ZSCAN18: variants seen among roughly 807,000 people sequenced by gnomAD.
The protein encoded by ZSCAN18 is zinc finger and SCAN domain-containing protein 18.
In ZSCAN18, 16 loss-of-function variants were observed where a neutral mutation model predicts 31.1. The ratio of observed to expected loss-of-function variants is 0.51; its 90% CI spans 0.35 to 0.78. The LOEUF (loss-of-function observed/expected upper bound fraction) is 0.78. Ranked by LOEUF, ZSCAN18 falls within the 30% of genes least tolerant of loss-of-function variation. ZSCAN18 has a pLI of 0.01. For synonymous variants in ZSCAN18, 375 were observed against 320.7 expected (o/e 1.17, Z -1.81); for missense variants, 731 against 697.4 (o/e 1.05, Z -0.54).
chr19:58,092,942 T>G (rs988644018), intron 1 of ZSCAN18, among the ~76,000 whole-genome samples: 2 of 151,972 alleles, frequency 1.3e-5, no homozygotes, highest in African/African-American at 4.8e-5. Context: ...ACCTGGCTAA[T>G]TTTTAATTTG....
chr19:58,103,075 T>A (rs558471173), upstream of ZSCAN18, among the ~76,000 whole-genome samples: 1 of 151,528 alleles, frequency 6.6e-6, no homozygotes, highest in African/African-American at 2.4e-5. Context: ...TGAGCCAAGA[T>A]AGCACCACTG....
intron 1 of ZSCAN18, among the ~76,000 whole-genome samples, chr19:58,111,035 G>T (rs2074678846): frequency 6.6e-6 from 1 of 152,134 alleles, no homozygotes; most frequent in South Asian, 2.1e-4. Context: ...AGGCGTGGTG[G>T]CGGGCGCCTG....
intron 6 of ZSCAN18, 131 bp from the exon 7 acceptor site, chr19:58,085,510 T>C: frequency 2.5e-6 from 2 of 797,802 alleles, no homozygotes; most frequent in Non-Finnish European, 3.8e-6. Context: ...CTCACGGCTG[T>C]TTGGAAGCAG....
At chr19:58,098,286 ATGCCGCGAGGCTG>A, upstream of ZSCAN18, 5 of 985,390 alleles carry the variant, frequency 5.1e-6, no homozygotes, top group Non-Finnish European at 6.0e-6. Flanking sequence ...GACTCCCACA[ATGCCGCGAGGCTG>A]TGCCGCGCAC....
intron 1 of ZSCAN18, chr19:58,108,718 G>A (rs1387558358): frequency 3.0e-6 from 3 of 985,326 alleles, no homozygotes; most frequent in African/African-American, 1.7e-5. Context: ...ATAAGGACAT[G>A]TGTCCCTATC....
At chr19:58,083,851 A>T (rs2074207004), downstream of ZSCAN18, 1 of 152,268 alleles carries the variant, frequency 6.6e-6, no homozygotes, top group Admixed American at 6.5e-5. Context: ...ATGTAGCCCA[A>T]GGAGTTTAGT....
intron 1 of ZSCAN18, among the ~76,000 whole-genome samples, chr19:58,104,021 A>G (rs1055937631): frequency 1.3e-5 from 2 of 152,246 alleles, no homozygotes; most frequent in African/African-American, 4.8e-5. Context: ...AGCCTAATCC[A>G]GAGCAAGGTC....
rs780145174 is a variant in ZSCAN18 at position 58,085,131 on chromosome 19, C to T, written c.1087G>A (p.Gly363Ser). The T allele has an allele frequency of 1.9e-6, 3 of 1,609,218 alleles. No homozygotes were observed. Among genetic ancestry groups the T allele is most frequent in the South Asian group, 1.1e-5 (1 of 90,692 alleles). ...CTCTTGGTTCCCAGTTTCGCCGTGCCCCTGTCCGGGGCAGGCTGCTGGATG... is the reference window on the plus strand; with the variant it reads ...CTCTTGGTTCCCAGTTTCGCCGTGCTCCTGTCCGGGGCAGGCTGCTGGATG... ...SVIQQPAPDR[G>S]TAKLGTKRPH... is the part of the protein sequence containing the mutation. The change falls in exon 7 of 7, where the codon GGC becomes AGC. Residue 363 changes from glycine (G) to serine (S), a missense_variant. By Grantham distance (56) the Gly-to-Ser change is moderately conservative. This residue lies in a region of ZSCAN18 where 597 missense variants were observed against 499.5 expected (regional missense o/e 1.20). Transcript: ENST00000601144.
upstream of ZSCAN18, among the ~76,000 whole-genome samples, chr19:58,102,113 G>A (rs1165855199): frequency 6.6e-6 from 1 of 152,086 alleles, no homozygotes; most frequent in African/African-American, 2.4e-5. Flanking sequence ...AGCTAGAGTA[G>A]AAGCTCCATA....
rs1344497213 is a variant in ZSCAN18 at position 58,106,720 on chromosome 19, A to G, written c.130+11547T>C. 4.0e-4 allele frequency among the ~76,000 whole-genome samples: 4 copies of G among 10,056 alleles called. 2 individuals carry two copies. Among genetic ancestry groups the G allele is most frequent in the African/African-American group, 7.3e-4 (4 of 5,516 alleles). 6.6% of individuals were successfully genotyped at this position (10,056 alleles called of 152,430 possible). On this transcript the variant is annotated intron_variant, in intron 1 of 1. Transcript: ENST00000595721. ...CTCCGTCTCAAAAAAAAAAAAAAAAAAAAAAAAAGAAAGAAAGAAAAAAAG... is the reference window on the plus strand; with the variant it reads ...CTCCGTCTCAAAAAAAAAAAAAAAAGAAAAAAAAGAAAGAAAGAAAAAAAG...
chr19:58,111,752 G>A (rs1182744399), intron 1 of ZSCAN18, among the ~76,000 whole-genome samples: 1 of 150,532 alleles, frequency 6.6e-6, no homozygotes, highest in Non-Finnish European at 1.5e-5. Context: ...CATCCTATGA[G>A]GCTAGCATTA....
Position 58,084,714 on chromosome 19 carries a change from G to A in ZSCAN18, c.1504C>T (p.Pro502Ser), listed in dbSNP as rs753113170. 2 of 1,507,378 alleles carry A rather than the reference G, an allele frequency of 1.3e-6. No homozygotes were observed. Among genetic ancestry groups the A allele is most frequent in the African/African-American group, 2.8e-5 (2 of 71,642 alleles). The allele number at this position is 1,507,378 out of a possible 1,614,324, so 93.4% of individuals were successfully genotyped here. ...CTCTGCGCCTCTGGGGGTGCGGGGGGAGCCTCGCCCTCCACGCTCTCTGGG... is the reference window on the plus strand; with the variant it reads ...CTCTGCGCCTCTGGGGGTGCGGGGGAAGCCTCGCCCTCCACGCTCTCTGGG... Reference protein sequence around the residue: ...GPPESVEGEAPPAPPEAQR With the variant: ...GPPESVEGEASPAPPEAQR Residue 502 changes from proline (P) to serine (S), a missense_variant, in exon 7 of 7, where the codon CCC (proline) becomes TCC (serine). Physicochemically the swap from Pro to Ser is moderately conservative, Grantham distance 74. Coordinates refer to ENST00000601144, the MANE Select transcript of ZSCAN18 (RefSeq NM_001145543.2). This position sits in a 1 kb window ranked among gnomAD's most constrained non-coding sequence, Gnocchi z 4.5.
Position 58,084,552 on chromosome 19 carries a change from A to G in ZSCAN18, c.*133T>C, listed in dbSNP as rs990961449. On this transcript the variant is annotated 3_prime_UTR_variant, in exon 7 of 7. Transcript: ENST00000601144. The surrounding 1 kb of genome is among the most constrained non-coding windows in gnomAD (Gnocchi z 4.5). ...TGGGAGCGCTTAGCCTCAGGAGCGG[A>G]TTCAGGGCACAGGCAGAGGACGTCC... 2 of 897,476 alleles carry G rather than the reference A, an allele frequency of 2.2e-6. No individual in the cohort carries two copies. The highest frequency in any genetic ancestry group is 3.1e-6 in the Non-Finnish European group (2 of 637,954). 55.6% of individuals were successfully genotyped at this position (897,476 alleles called of 1,614,324 possible).
chr19:58,102,188 G>C (rs1600001935), upstream of ZSCAN18, among the ~76,000 whole-genome samples: 1 of 152,132 alleles, frequency 6.6e-6, no homozygotes, highest in African/African-American at 2.4e-5. Flanking sequence ...GCCGGGCGCA[G>C]TGGTTCACGC....
At chr19:58,086,507 ATT>A (rs2074283679) in intron 5 of ZSCAN18, 1 of 502,420 alleles carries the variant, frequency 2.0e-6, no homozygotes, top group Non-Finnish European at 3.5e-6. Context: ...AAAGAAAGAC[ATT>A]GACAAAAATT....
In ZSCAN18 at chr19:58,085,139, G is replaced by T. The variant is rs1447173201; in HGVS notation, c.1079C>A (p.Pro360Gln). Residue 360 changes from proline to glutamine, a missense_variant, in exon 7 of 7, where the codon CCG (proline) becomes CAG (glutamine). Pro to Gln is a moderately conservative substitution (Grantham distance 76, BLOSUM62 -1). This residue lies in a region of ZSCAN18 where 597 missense variants were observed against 499.5 expected (regional missense o/e 1.20). Coordinates refer to ENST00000601144, the MANE Select transcript of ZSCAN18 (RefSeq NM_001145543.2). ...TCCCAGTTTCGCCGTGCCCCTGTCCGGGGCAGGCTGCTGGATGACGGACTG... is the reference window on the plus strand; with the variant it reads ...TCCCAGTTTCGCCGTGCCCCTGTCCTGGGCAGGCTGCTGGATGACGGACTG... The part of the protein sequence containing the change: ...QRQSVIQQPA[P>Q]DRGTAKLGTK... 1 of 1,610,070 alleles carries T rather than the reference G, an allele frequency of 6.2e-7. No individual in the cohort carries two copies.
At chr19:58,107,975 G>T in intron 1 of ZSCAN18, 1 of 1,051,862 alleles carries the variant, frequency 9.5e-7, no homozygotes, top group Non-Finnish European at 1.2e-6. Flanking sequence ...GGCCCGCGAT[G>T]TTCCTGAAAA....
At chr19:58,099,745 T>C (rs2074576514), upstream of ZSCAN18, among the ~76,000 whole-genome samples, 1 of 152,204 alleles carries the variant, frequency 6.6e-6, no homozygotes, top group Non-Finnish European at 1.5e-5. Context: ...CACATTTTTA[T>C]CAGCATTTGT....
chr19:58,099,360 G>A (rs532075273), upstream of ZSCAN18, among the ~76,000 whole-genome samples: 1 of 152,064 alleles, frequency 6.6e-6, no homozygotes, highest in East Asian at 1.9e-4. Context: ...TACAGTATGT[G>A]GCCTCTTCAG....
Sources: allele counts gnomAD v4.1 joint callset (sites outside exome capture counted in the v4.1 genomes callset), GRCh38; gene constraint gnomAD v4.1.1; regional missense constraint gnomAD v4.1.1; non-coding constraint Gnocchi (gnomAD v3.1); transcripts MANE v1.5; gene names NCBI Gene and HGNC (gene_info 2026-07-23, HGNC 2026-07-21).